Variants in PRKAG2 observed in about 807,000 individuals in gnomAD.
The protein encoded by PRKAG2 is 5'-AMP-activated protein kinase subunit gamma-2.
A neutral mutation model predicts 69.6 loss-of-function variants in PRKAG2; 26 were observed. That is an observed-to-expected ratio of 0.37 (90% CI 0.27 to 0.52). The LOEUF is 0.52. PRKAG2 is among the 20% of genes least tolerant of loss of function. PRKAG2 has a pLI of 0.90. For missense variants in PRKAG2, 557 were observed against 740.0 expected, an observed-to-expected ratio of 0.75 and a Z score of 2.87; for synonymous variants, 293 against 285.0, an observed-to-expected ratio of 1.03 and a Z score of -0.28.
At chr7:151,680,728 C>A (rs1030210975) in intron 3 of PRKAG2, among the ~76,000 whole-genome samples, 24 of 152,208 alleles carry the variant, frequency 1.6e-4, no homozygotes, top group Admixed American at 1.3e-4. Context: ...TAAGCACTGA[C>A]CTGCTTCCTG....
chr7:151,566,537 T>C (rs1388515752), intron 11 of PRKAG2: 3 of 438,408 alleles, frequency 6.8e-6, no homozygotes, highest in Middle Eastern at 3.6e-4. Flanking sequence ...CATGTTTGAG[T>C]ATAACAAAAT....
intron 3 of PRKAG2, among the ~76,000 whole-genome samples, chr7:151,701,623 C>T (rs998625477): frequency 2.6e-5 from 4 of 152,046 alleles, no homozygotes; most frequent in Non-Finnish European, 1.5e-5. Context: ...ACGGGCAGAT[C>T]GAGAGGTCAG....
chr7:151,823,204 G>A (rs2078832217), intron 1 of PRKAG2, among the ~76,000 whole-genome samples: 1 of 151,910 alleles, frequency 6.6e-6, no homozygotes, highest in Non-Finnish European at 1.5e-5. Context: ...CAGGAAAAAT[G>A]TGTATCCAGT....
rs571894326 is a variant in PRKAG2, at chr7:151,563,919, A to G, written c.1584+159T>C. 3.9e-5 allele frequency among the ~76,000 whole-genome samples: 6 copies of G among 152,322 alleles called. No homozygotes were observed. In the South Asian group the frequency reaches 1.2e-3, roughly 32 times the overall value. On this transcript the variant is annotated intron_variant, in intron 14 of 15. Coordinates refer to ENST00000287878, the MANE Select transcript of PRKAG2 (RefSeq NM_016203.4). ...TTTAGAGATCGCCTATATGCCAAGTAGTGTGCCAGGTTCTGGGACAGGAGG... is the reference window on the plus strand; with the variant it reads ...TTTAGAGATCGCCTATATGCCAAGTGGTGTGCCAGGTTCTGGGACAGGAGG...
chr7:151,664,244 G>C (rs1830712701), intron 4 of PRKAG2, among the ~76,000 whole-genome samples: 2 of 152,298 alleles, frequency 1.3e-5, no homozygotes, highest in East Asian at 1.9e-4. Context: ...TTTAGCGTTT[G>C]CTAGCCATTG....
chr7:151,599,309 G>C (rs532908251), intron 5 of PRKAG2, among the ~76,000 whole-genome samples: 1 of 152,142 alleles, frequency 6.6e-6, no homozygotes, highest in South Asian at 2.1e-4. Context: ...ACAATGCCTT[G>C]ATTTTGCACC....
At chr7:151,620,894 T>TC (rs1394009619) in intron 5 of PRKAG2, among the ~76,000 whole-genome samples, 5 of 152,044 alleles carry the variant, frequency 3.3e-5, no homozygotes, top group Non-Finnish European at 7.4e-5. Context: ...CACCTTGGCT[T>TC]CCCAAAGGCC....
intron 5 of PRKAG2, among the ~76,000 whole-genome samples, chr7:151,601,319 C>A (rs746929458): frequency 3.3e-5 from 5 of 152,208 alleles, no homozygotes; most frequent in Admixed American, 6.5e-5. Context: ...TTATTACCTT[C>A]TATCTCGTTA....
chr7:151,709,942 G>T (rs1352537096), intron 3 of PRKAG2, among the ~76,000 whole-genome samples: 11 of 152,210 alleles, frequency 7.2e-5, no homozygotes. Context: ...GTGTGACACT[G>T]AGTGCCTGGG....
intron 1 of PRKAG2, among the ~76,000 whole-genome samples, chr7:151,855,817 G>A (rs2079760465): frequency 6.6e-6 from 1 of 152,260 alleles, no homozygotes; most frequent in Non-Finnish European, 1.5e-5. Context: ...CAGACCATAT[G>A]GACCTCACAG....
intron 4 of PRKAG2, among the ~76,000 whole-genome samples, chr7:151,665,149 T>C (rs1485002748): frequency 2.0e-5 from 3 of 152,112 alleles, no homozygotes; most frequent in East Asian, 3.9e-4. Flanking sequence ...TGCACCCCCT[T>C]TTTGCTGGGG....
intron 1 of PRKAG2, among the ~76,000 whole-genome samples, chr7:151,832,377 A>AAG (rs2079054135): frequency 6.6e-6 from 1 of 152,104 alleles, no homozygotes; most frequent in Non-Finnish European, 1.5e-5. Context: ...GGCGAAGCAG[A>AAG]AGCTCCGACT....
In PRKAG2 at chr7:151,632,367, C is replaced by T. The variant is rs1475627341; in HGVS notation, c.685-229G>A. On this transcript the variant is annotated intron_variant, in intron 4 of 15. Transcript: ENST00000287878. This position sits in a 1 kb window ranked among gnomAD's most constrained non-coding sequence, Gnocchi z 4.2. ...TGGCGCGGCCGCGGCCCGCGTGCCC[C>T]TCCGCGAGTGGGACGCGCCGCTCCC... The T allele has an allele frequency of 2.0e-6, 1 of 501,950 alleles. No individual in the cohort carries two copies. Among genetic ancestry groups the T allele is most frequent in the Admixed American group, 6.6e-5 (1 of 15,256 alleles). 31.1% of individuals were successfully genotyped at this position (501,950 alleles called of 1,614,324 possible).
At chr7:151,596,242 A>C (rs756826642) in intron 5 of PRKAG2, among the ~76,000 whole-genome samples, 2 of 152,200 alleles carry the variant, frequency 1.3e-5, no homozygotes, top group Non-Finnish European at 2.9e-5. Context: ...TCCATCAAGA[A>C]ACTGTCAAAA....
intron 6 of PRKAG2, among the ~76,000 whole-genome samples, chr7:151,592,503 C>T (rs1471927490): frequency 1.4e-4 from 21 of 152,172 alleles, no homozygotes. Flanking sequence ...GGTGGCACAC[C>T]CTCGCATTCT....
chr7:151,588,566 G>A (rs1293111802), intron 6 of PRKAG2, among the ~76,000 whole-genome samples: 4 of 152,016 alleles, frequency 2.6e-5, no homozygotes, highest in Non-Finnish European at 1.5e-5. Context: ...CGCCATGTTG[G>A]CCAGGCTGGT....
At chr7:151,645,357 A>T (rs1827386298) in intron 4 of PRKAG2, among the ~76,000 whole-genome samples, 1 of 152,198 alleles carries the variant, frequency 6.6e-6, no homozygotes, top group Non-Finnish European at 1.5e-5. Flanking sequence ...CACTGCCACT[A>T]ACCACATGAG....
chr7:151,761,661 T>C (rs367730595), intron 3 of PRKAG2, among the ~76,000 whole-genome samples: 29 of 152,360 alleles, frequency 1.9e-4, no homozygotes, highest in African/African-American at 7.0e-4. Flanking sequence ...ATAACTGTCC[T>C]GCATGGCATG....
chr7:151,621,920 G>A (rs1563278296), intron 5 of PRKAG2, among the ~76,000 whole-genome samples: 1 of 152,170 alleles, frequency 6.6e-6, no homozygotes, highest in Non-Finnish European at 1.5e-5. Context: ...TGCATTTATA[G>A]TTAAGAAGCT....
Sources: allele counts gnomAD v4.1 joint callset (sites outside exome capture counted in the v4.1 genomes callset), GRCh38; gene constraint gnomAD v4.1.1; non-coding constraint Gnocchi (gnomAD v3.1); transcripts MANE v1.5; gene names NCBI Gene and HGNC (gene_info 2026-07-23, HGNC 2026-07-21).